Variants in TNNT1 observed in about 807,000 individuals in gnomAD.
The protein encoded by TNNT1 is troponin T1, slow skeletal type, also known as troponin T, slow skeletal muscle.
TNNT1 carries 53 observed loss-of-function variants against 50.6 expected under a neutral mutation model. The ratio of observed to expected loss-of-function variants is 1.05; its 90% CI spans 0.84 to 1.32. TNNT1 has a LOEUF of 1.32. TNNT1 is among the 40% of genes most tolerant of loss of function. The pLI, the probability that TNNT1 is intolerant of heterozygous loss-of-function variation, is 0.00. For synonymous variants in TNNT1, 142 were observed against 138.0 expected, an observed-to-expected ratio of 1.03 and a Z score of -0.20; for missense variants, 348 against 381.7, an observed-to-expected ratio of 0.91 and a Z score of 0.74.
chr19:55,138,432 C>T (rs917097777), intron 9 of TNNT1, among the ~76,000 whole-genome samples: 1 of 152,188 alleles, frequency 6.6e-6, no homozygotes, highest in Non-Finnish European at 1.5e-5. Context: ...CACCCGCCAC[C>T]GCGCCCAACT....
intron 6 of TNNT1, 127 bp from the exon 7 acceptor site, chr19:55,142,047 G>T: frequency 1.2e-6 from 1 of 830,318 alleles, no homozygotes; most frequent in Non-Finnish European, 2.1e-6. Context: ...GAGGGTCCCA[G>T]CTGAGGCGGG....
At chr19:55,138,616 A>C (rs971206939) in intron 9 of TNNT1, among the ~76,000 whole-genome samples, 12 of 152,012 alleles carry the variant, frequency 7.9e-5, no homozygotes, top group Non-Finnish European at 1.5e-4. Flanking sequence ...GAAAAAATCG[A>C]AATGAAGGAG....
chr19:55,136,966 G>A (rs911717593), intron 11 of TNNT1, 137 bp downstream of exon 11: 11 of 625,984 alleles, frequency 1.8e-5, no homozygotes, highest in African/African-American at 1.6e-4. Context: ...CCCAGAGAGG[G>A]GAAGCCACTT....
At position 55,148,446 on chromosome 19, in the gene TNNT1, G is replaced by A. The variant is rs541593143; in HGVS notation, c.-12+715C>T. On this transcript the variant is annotated intron_variant, in intron 1 of 13. Coordinates refer to ENST00000588981, the MANE Select transcript of TNNT1 (RefSeq NM_003283.6). The stretch of plus-strand genomic sequence containing the variant: ...TTTGAGACACCCTAGGCCACAGGGT[G>A]CCTAGCCCCAAATCCCAATACCCAC... Among the ~76,000 whole-genome samples, 4 of 152,120 alleles carry A rather than the reference G, an allele frequency of 2.6e-5. No individual in the cohort carries two copies. In the East Asian group the frequency reaches 7.7e-4, roughly 29 times the overall value.
chr19:55,141,344 G>A, intron 7 of TNNT1, 42 bp from the exon 8 acceptor site: 4 of 1,499,188 alleles, frequency 2.7e-6, no homozygotes, highest in African/African-American at 1.4e-5. Context: ...GACCCTGGAG[G>A]GGGCAGCAGC....
Position 55,144,721 on chromosome 19 carries a change from G to T in TNNT1, c.128+823C>A, listed in dbSNP as rs75778670. On this transcript the variant is annotated intron_variant, in intron 6 of 13. Coordinates refer to ENST00000588981, the MANE Select transcript of TNNT1 (RefSeq NM_003283.6). The stretch of plus-strand genomic sequence containing the variant: ...CATGGCTAGAGAACCATGAAACGCT[G>T]TGTGTCTGTCAGTGGGGAAGGCAGA... Among the ~76,000 whole-genome samples, 349 of 152,370 alleles carry T rather than the reference G, an allele frequency of 2.3e-3. 4 individuals carry two copies. Among genetic ancestry groups the T allele is most frequent in the African/African-American group, 8.1e-3 (336 of 41,588 alleles).
chr19:55,143,168 CAAA>C (rs564659968), intron 6 of TNNT1, among the ~76,000 whole-genome samples: 4 of 126,592 alleles, frequency 3.2e-5, no homozygotes, highest in African/African-American at 2.8e-5. Context: ...GACTCTATCT[CAAA>C]AAAAAAAAAA....
intron 9 of TNNT1, among the ~76,000 whole-genome samples, chr19:55,140,129 A>C (rs1338532917): frequency 6.6e-6 from 1 of 150,756 alleles, no homozygotes; most frequent in Admixed American, 6.6e-5. Flanking sequence ...TCAGAAAAAA[A>C]AAAAATTAAA....
At position 55,146,331 on chromosome 19, in the gene TNNT1, G is replaced by C. The variant is rs558871102; in HGVS notation, c.106+103C>G. The C allele has an allele frequency of 5.2e-6, 4 of 772,930 alleles. No individual in the cohort carries two copies. The East Asian group carries it at 1.3e-4, about 25-fold the overall frequency. The allele number at this position is 772,930 out of a possible 1,614,324, so 47.9% of individuals were successfully genotyped here. A position where few individuals can be genotyped will look rare whatever the true frequency, so the allele number is the denominator to read the frequency against. ...CCGGGCCTGGGGGCGGGTTATGGGG[G>C]CGGAGGGAGGGAAGGGTGGTCTTGG... On this transcript the variant is annotated intron_variant, in intron 5 of 13. Coordinates refer to ENST00000588981, the MANE Select transcript of TNNT1 (RefSeq NM_003283.6).
intron 2 of TNNT1, 39 bp downstream of exon 2, chr19:55,147,084 TCCA>T (rs936919289): frequency 6.2e-6 from 10 of 1,613,446 alleles, no homozygotes; most frequent in African/African-American, 1.3e-5. Flanking sequence ...GGAGAGCCTC[TCCA>T]CCACTGCACG....
chr19:55,140,794 G>A lies in TNNT1; in HGVS notation c.387+89C>T, dbSNP rs200992302. On this transcript the variant is annotated intron_variant, in intron 9 of 13. Coordinates refer to ENST00000588981, the MANE Select transcript of TNNT1 (RefSeq NM_003283.6). Reference sequence around the variant, plus strand: ...TCCGTTTCAAAGAATAATAATAATAGTAATAATAATAATAATAATAATAAT... The same window carrying A: ...TCCGTTTCAAAGAATAATAATAATAATAATAATAATAATAATAATAATAAT... 55 of 707,638 alleles carry A rather than the reference G, an allele frequency of 7.8e-5. No individual in the cohort carries two copies. The South Asian group carries it at 8.7e-4, about 11-fold the overall frequency. The allele number at this position is 707,638 out of a possible 1,614,324, so 43.8% of individuals were successfully genotyped here.
chr19:55,142,059 T>C (rs1304464690), intron 6 of TNNT1, 139 bp from the exon 7 acceptor site: 2 of 790,412 alleles, frequency 2.5e-6, no homozygotes, highest in African/African-American at 3.4e-5. Context: ...TGAGGCGGGC[T>C]GTCAGTGAAA....
rs776371341 is a variant in TNNT1 at position 55,137,161 on chromosome 19, T to C, written c.553A>G (p.Ile185Val). Reference protein sequence around the residue: ...RQTGREMKVRILSERKKPLDI... With the variant: ...RQTGREMKVRVLSERKKPLDI... The stretch of plus-strand genomic sequence containing the variant: ...AGAGGCTTCTTACGCTCGGAGAGGA[T>C]GCGCACCTTCATCTCCCGCCCCGTC... Residue 185 changes from isoleucine to valine, a missense_variant, in exon 11 of 14, where the codon ATC becomes GTC. This residue lies in a region of TNNT1 where 253 missense variants were observed against 291.8 expected (regional missense o/e 0.87). Transcript: ENST00000588981. 3.1e-6 allele frequency: 5 copies of C among 1,611,676 alleles called. No homozygotes were observed. The highest frequency in any genetic ancestry group is 4.2e-6 in the Non-Finnish European group (5 of 1,179,184).
In TNNT1 at chr19:55,147,151, C is replaced by T; in HGVS notation, c.7G>A (p.Asp3Asn). The change falls in exon 2 of 14, where the codon GAC becomes AAC. Residue 3 changes from aspartate to asparagine, a missense_variant. Transcript: ENST00000588981. The stretch of plus-strand genomic sequence containing the variant: ...TCCTCATATTCCTGCTCCTCGGTGT[C>T]CGACATCCTGGTGCGGCCTAAGGAC... MS[D>N]TEEQEYEEEQ... The T allele has an allele frequency of 1.2e-6, 2 of 1,613,774 alleles. No individual in the cohort carries two copies. Among genetic ancestry groups the T allele is most frequent in the Non-Finnish European group, 1.7e-6 (2 of 1,179,828 alleles).
chr19:55,133,405 C>T (rs1025516981), intron 13 of TNNT1: 4 of 272,490 alleles, frequency 1.5e-5, no homozygotes, highest in Admixed American at 5.1e-5. Flanking sequence ...CTCGGCTGGG[C>T]GCGGTGGCTC....
At position 55,146,416 on chromosome 19, in the gene TNNT1, C is replaced by T; in HGVS notation, c.106+18G>A. 3 of 1,358,744 alleles carry T rather than the reference C, an allele frequency of 2.2e-6. No homozygotes were observed. Among genetic ancestry groups the T allele is most frequent in the Non-Finnish European group, 2.9e-6 (3 of 1,048,964 alleles). The allele number at this position is 1,358,744 out of a possible 1,614,324, so 84.2% of individuals were successfully genotyped here. ...GGCCCCCGACATCGGTCTCGGGAAGCGAAGCAGCCGCGGTTACCTGGCTCT... is the reference window on the plus strand; with the variant it reads ...GGCCCCCGACATCGGTCTCGGGAAGTGAAGCAGCCGCGGTTACCTGGCTCT... On this transcript the variant is annotated intron_variant, in intron 5 of 13. Coordinates refer to ENST00000588981, the MANE Select transcript of TNNT1 (RefSeq NM_003283.6).
chr19:55,141,309 G>A lies in TNNT1; in HGVS notation c.193-7C>T. 1 of 1,612,476 alleles carries A rather than the reference G, an allele frequency of 6.2e-7. No individual in the cohort carries two copies. The highest frequency in any genetic ancestry group is 2.2e-5 in the East Asian group (1 of 44,856). On this transcript the variant is annotated splice_polypyrimidine_tract_variant and splice_region_variant and intron_variant, in intron 7 of 13. Transcript: ENST00000588981. ...TGCGCTTGCGGTGGATGTCCTGCAG[G>A]ACACACGGGCAGCCCGTCCTAGGAG...
chr19:55,146,383 TC>T (rs979232543), intron 5 of TNNT1, 50 bp downstream of exon 5: 31 of 1,279,876 alleles, frequency 2.4e-5, no homozygotes, highest in South Asian at 6.6e-5. Flanking sequence ...ATATCGGGGG[TC>T]CCCCCGGGCC....
rs79705884 is a variant in TNNT1 at position 55,137,653 on chromosome 19, C to T, written c.501+308G>A. Among the ~76,000 whole-genome samples the T allele has an allele frequency of 0.033, 4,374 of 132,836 alleles. 110 individuals are homozygous for T. Among genetic ancestry groups the T allele is most frequent in the East Asian group, 0.086 (319 of 3,714 alleles). 87.1% of individuals were successfully genotyped at this position (132,836 alleles called of 152,430 possible). On this transcript the variant is annotated intron_variant, in intron 10 of 13. Transcript: ENST00000588981. The stretch of plus-strand genomic sequence containing the variant: ...CCTCCTCTCAGACTGAGTCCAAGCC[C>T]CAGACCCTCTCGCATTAGGAACCAG...
Sources: gnomAD v4.1 joint callset for allele counts (sites outside exome capture counted in the v4.1 genomes callset) on GRCh38, gnomAD v4.1.1 for gene constraint, gnomAD v4.1.1 regional missense constraint, MANE v1.5 for transcripts, NCBI Gene and HGNC (gene_info 2026-07-23, HGNC 2026-07-21) for gene names.